The following RTN4RL1 variants were observed in gnomAD, a reference collection of about 807,000 sequenced individuals.
RTN4RL1 encodes reticulon 4 receptor like 1, also known as reticulon-4 receptor-like 1.
A neutral mutation model predicts 25.6 loss-of-function variants in RTN4RL1; 7 were observed. The ratio of observed to expected loss-of-function variants is 0.27; its 90% CI spans 0.16 to 0.51. The LOEUF (loss-of-function observed/expected upper bound fraction) is 0.51, where lower values mean the gene tolerates loss of function less well. Among genes scored for constraint, RTN4RL1 ranks in the 20% least tolerant of loss-of-function variants. The pLI, the probability that RTN4RL1 is intolerant of heterozygous loss-of-function variation, is 0.97. For synonymous variants in RTN4RL1, 297 were observed against 288.2 expected (o/e 1.03, Z -0.31); for missense variants, 500 against 615.6 (o/e 0.81, Z 1.99).
intron 1 of RTN4RL1, among the ~76,000 whole-genome samples, chr17:2,011,166 G>C (rs527278927): frequency 6.6e-6 from 1 of 152,146 alleles, no homozygotes; most frequent in African/African-American, 2.4e-5. Context: ...CAGGAGAATG[G>C]CTTGAACCTG....
In RTN4RL1 at chr17:1,956,291, G is replaced by A. The variant is rs539068649; in HGVS notation, c.14-18483C>T. On this transcript the variant is annotated intron_variant, in intron 1 of 1. Coordinates refer to ENST00000331238, the MANE Select transcript of RTN4RL1 (RefSeq NM_178568.4). ...CCCAGATACAATCGCAGCTCCTAAC[G>A]CGTACGGCGAAAGATCCAGGTAGCT... is the stretch of plus-strand genomic sequence containing the variant. 8.9e-4 allele frequency among the ~76,000 whole-genome samples: 135 copies of A among 152,250 alleles called. 1 individual carries two copies. The highest frequency in any genetic ancestry group is 1.5e-3 in the Non-Finnish European group (103 of 68,026).
At chr17:2,002,456 C>CCTGTCT (rs2066965561) in intron 1 of RTN4RL1, among the ~76,000 whole-genome samples, 5 of 150,716 alleles carry the variant, frequency 3.3e-5, no homozygotes, top group African/African-American at 9.8e-5. Flanking sequence ...CCTCGCCTGG[C>CCTGTCT]TAATTTTTTG....
At chr17:1,993,785 A>G (rs1385568004) in intron 1 of RTN4RL1, among the ~76,000 whole-genome samples, 2 of 147,002 alleles carry the variant, frequency 1.4e-5, no homozygotes, top group African/African-American at 4.9e-5. Context: ...TTGAATCTCA[A>G]AAAAAAAAAA....
chr17:2,003,229 A>C (rs558649722), intron 1 of RTN4RL1: 1 of 152,408 alleles, frequency 6.6e-6, no homozygotes, highest in South Asian at 2.1e-4. Context: ...GAGAGTCCTG[A>C]AGGCCTCCGA....
rs144468768 is a variant in RTN4RL1, at chr17:1,988,454, G to A, written c.13+36399C>T. ...AAAGAAGGAGCCACGAATATGTTCA[G>A]TATTTTGTATTTACTGTACTCCAGC... is the stretch of plus-strand genomic sequence containing the variant. On this transcript the variant is annotated intron_variant, in intron 1 of 1. Coordinates refer to ENST00000331238, the MANE Select transcript of RTN4RL1 (RefSeq NM_178568.4). Among the ~76,000 whole-genome samples the A allele has an allele frequency of 6.4e-5, 9 of 140,234 alleles. No individual in the cohort carries two copies. The East Asian group carries it at 1.9e-3, about 30-fold the overall frequency. 92.0% of individuals were successfully genotyped at this position (140,234 alleles called of 152,430 possible).
At chr17:1,993,965 G>A (rs2066919689) in intron 1 of RTN4RL1, among the ~76,000 whole-genome samples, 1 of 152,146 alleles carries the variant, frequency 6.6e-6, no homozygotes. Flanking sequence ...GAAATCTGAA[G>A]CAATTTCCCA....
intron 1 of RTN4RL1, among the ~76,000 whole-genome samples, chr17:1,947,028 G>A (rs1448259760): frequency 7.3e-5 from 4 of 54,616 alleles, no homozygotes; most frequent in Non-Finnish European, 1.7e-4. Context: ...GTCTGTGTGT[G>A]CACATGTGTC....
chr17:1,944,279 A>T (rs1257528871), intron 1 of RTN4RL1, among the ~76,000 whole-genome samples: 1 of 152,134 alleles, frequency 6.6e-6, no homozygotes, highest in Non-Finnish European at 1.5e-5. Flanking sequence ...AAAATGGGGC[A>T]GTCATTTAAA....
intron 1 of RTN4RL1, among the ~76,000 whole-genome samples, chr17:1,947,387 C>T (rs575593265): frequency 7.2e-5 from 11 of 152,344 alleles, no homozygotes; most frequent in African/African-American, 2.6e-4. Context: ...CTTCACCCTG[C>T]AGCGTGCCTC....
chr17:1,977,738 ATCCCGGCCCTCACCGAG>A, intron 1 of RTN4RL1, among the ~76,000 whole-genome samples: 1 of 152,134 alleles, frequency 6.6e-6, no homozygotes. Flanking sequence ...TAAAAACCCC[ATCCCGGCCCTCACCGAG>A]GTGTTACAAC....
chr17:1,942,769 C>T (rs1370755738), intron 1 of RTN4RL1, among the ~76,000 whole-genome samples: 1 of 152,150 alleles, frequency 6.6e-6, no homozygotes, highest in Non-Finnish European at 1.5e-5. Flanking sequence ...ACCCGGTCCG[C>T]TCAGCAGCCC....
At chr17:1,950,489 C>T (rs1915650425) in intron 1 of RTN4RL1, among the ~76,000 whole-genome samples, 1 of 152,062 alleles carries the variant, frequency 6.6e-6, no homozygotes, top group Non-Finnish European at 1.5e-5. Flanking sequence ...GCTGGAAGTA[C>T]AAAACTGAAG....
chr17:2,003,575 C>T (rs140631737), intron 1 of RTN4RL1: 2 of 152,412 alleles, frequency 1.3e-5, no homozygotes, highest in East Asian at 1.9e-4. Flanking sequence ...TGGCATTAAC[C>T]CCACTTTTCA....
At chr17:1,960,569 A>G (rs1441315126) in intron 1 of RTN4RL1, among the ~76,000 whole-genome samples, 1 of 152,212 alleles carries the variant, frequency 6.6e-6, no homozygotes, top group African/African-American at 2.4e-5. Flanking sequence ...TTTTTATTAC[A>G]AATAAATAAC....
At position 1,935,712 on chromosome 17, in the gene RTN4RL1, T is replaced by C. The variant is rs1024123036; in HGVS notation, c.*784A>G. On this transcript the variant is annotated 3_prime_UTR_variant, in exon 2 of 2. Transcript: ENST00000331238. ...GTGGGAGGGGGACTGTGCATTTGTG[T>C]ATATATATATATATATATATATATA... is the stretch of plus-strand genomic sequence containing the variant. The C allele has an allele frequency of 2.8e-4, 6 of 21,440 alleles. No homozygotes were observed. Among genetic ancestry groups the C allele is most frequent in the Non-Finnish European group, 5.0e-4 (5 of 9,920 alleles). The allele number at this position is 21,440 out of a possible 1,614,324, so 1.3% of individuals were successfully genotyped here. A position where few individuals can be genotyped will look rare whatever the true frequency, so the allele number is the denominator to read the frequency against.
rs1358632915 is a variant in RTN4RL1 at position 1,935,832 on chromosome 17, G to A, written c.*664C>T. On this transcript the variant is annotated 3_prime_UTR_variant, in exon 2 of 2. Transcript: ENST00000331238. ...CTGTGAGAACCTCATTGCCCGGGATGAAGTTCTAGATTTCAGCCTCTGATG... is the reference window on the plus strand; with the variant it reads ...CTGTGAGAACCTCATTGCCCGGGATAAAGTTCTAGATTTCAGCCTCTGATG... 1.0e-6 allele frequency: 1 copy of A among 984,132 alleles called. No individual in the cohort carries two copies. The highest frequency in any genetic ancestry group is 1.8e-5 in the African/African-American group (1 of 56,732). The allele number at this position is 984,132 out of a possible 1,614,324, so 61.0% of individuals were successfully genotyped here.
intron 1 of RTN4RL1, chr17:2,001,417 T>C (rs1338192939): frequency 6.6e-6 from 1 of 152,186 alleles, no homozygotes; most frequent in Admixed American, 6.5e-5. Context: ...CTAATTTCTT[T>C]TCGTACTTTT....
chr17:1,946,354 C>G (rs554952778), intron 1 of RTN4RL1, among the ~76,000 whole-genome samples: 1 of 152,376 alleles, frequency 6.6e-6, no homozygotes, highest in African/African-American at 2.4e-5. Context: ...CACCATGCGT[C>G]CCGCTCAGTC....
At position 1,994,363 on chromosome 17, in the gene RTN4RL1, T is replaced by C. The variant is rs1411669096; in HGVS notation, c.13+30490A>G. On this transcript the variant is annotated intron_variant, in intron 1 of 1. Transcript: ENST00000331238. The surrounding 1 kb of genome is among the most constrained non-coding windows in gnomAD (Gnocchi z 4.3). ...CTCCCCTGTGCTGAGCCCACCGTGT[T>C]ACAGAGGACCTACCAGCTCTCCCAG... Among the ~76,000 whole-genome samples the C allele has an allele frequency of 2.0e-5, 3 of 151,724 alleles. No homozygotes were observed. Among genetic ancestry groups the C allele is most frequent in the Non-Finnish European group, 4.4e-5 (3 of 67,958 alleles).
Sources: gnomAD v4.1 joint callset for allele counts (sites outside exome capture counted in the v4.1 genomes callset) on GRCh38, gnomAD v4.1.1 for gene constraint, Gnocchi (gnomAD v3.1) non-coding constraint, MANE v1.5 for transcripts, NCBI Gene and HGNC (gene_info 2026-07-23, HGNC 2026-07-21) for gene names.